Variants in BCOR observed in about 807,000 individuals in gnomAD.
The protein encoded by BCOR is BCL-6 corepressor.
BCOR carries 10 observed loss-of-function variants against 86.7 expected under a neutral mutation model. That is an observed-to-expected ratio of 0.12 (90% CI 0.07 to 0.20). The LOEUF is 0.20. Ranked by LOEUF, BCOR falls within the 10% of genes least tolerant of loss-of-function variation. The pLI is 1.00. For missense variants in BCOR, 1,259 were observed against 1,452.1 expected (o/e 0.87, Z 2.16); for synonymous variants, 611 against 609.0 (o/e 1.00, Z -0.05).
chrX:40,112,398 G>A (rs957898905), intron 1 of BCOR, among the ~76,000 whole-genome samples: 1 of 111,436 alleles, frequency 9.0e-6, no homozygotes, highest in African/African-American at 3.3e-5. Context: ...TTTACATCAC[G>A]CCTGTTAGGT....
In BCOR at chrX:40,054,295, C is replaced by G; in HGVS notation, c.4780G>C (p.Ala1594Pro). ...NDLQGRNDDD[A>P]SGTWDFYGSS... ...CCATAGAAGTCCCAAGTGCCACTGGCGTCATCATCATTGCGACCCTGGAGG... is the reference window on the plus strand; with the variant it reads ...CCATAGAAGTCCCAAGTGCCACTGGGGTCATCATCATTGCGACCCTGGAGG... The change falls in exon 13 of 15, where the codon GCC becomes CCC. Residue 1594 changes from alanine (A) to proline (P), a missense_variant. Around this residue, in one of 7 missense-constraint regions of BCOR, gnomAD observed 137 missense variants for 149.8 expected, o/e 0.91. Transcript: ENST00000378444. The G allele has an allele frequency of 8.3e-7, 1 of 1,208,703 alleles. No homozygotes were observed. Among genetic ancestry groups the G allele is most frequent in the Admixed American group, 2.2e-5 (1 of 45,849 alleles).
At chrX:40,089,110 G>T (rs144411404) in intron 1 of BCOR, among the ~76,000 whole-genome samples, 135 of 111,932 alleles carry the variant, frequency 1.2e-3, no homozygotes, top group African/African-American at 4.1e-3. Context: ...GCAAGTCTCA[G>T]GGGGTCTCAG....
intron 6 of BCOR, among the ~76,000 whole-genome samples, chrX:40,070,545 G>A (rs984848759): frequency 4.5e-5 from 5 of 111,652 alleles, no homozygotes; most frequent in East Asian, 2.8e-4. Context: ...ACGGTAAATC[G>A]TAACGCTCAT....
At chrX:40,110,240 G>T (rs935652784) in intron 1 of BCOR, among the ~76,000 whole-genome samples, 1 of 111,101 alleles carries the variant, frequency 9.0e-6, no homozygotes, top group Admixed American at 9.5e-5. Flanking sequence ...AATCATTATG[G>T]TCTATTAGGG....
intron 1 of BCOR, among the ~76,000 whole-genome samples, chrX:40,161,199 T>G (rs6610392): frequency 1.4e-3 from 128 of 90,664 alleles, no homozygotes; most frequent in Middle Eastern, 5.8e-3. Context: ...TTTTTTGGGG[T>G]TTTTTTTTGT....
upstream of BCOR, among the ~76,000 whole-genome samples, chrX:40,102,118 A>T (rs1461774340): frequency 2.7e-5 from 3 of 112,768 alleles, no homozygotes; most frequent in Non-Finnish European, 5.6e-5. Flanking sequence ...ATCTAAAGGT[A>T]GCTGCCTCCC....
chrX:40,146,117 G>A (rs1569195316), intron 1 of BCOR, among the ~76,000 whole-genome samples: 1 of 112,148 alleles, frequency 8.9e-6, no homozygotes, highest in Non-Finnish European at 1.9e-5. Flanking sequence ...CACACATTCC[G>A]ACTGCGAAAG....
intron 1 of BCOR, among the ~76,000 whole-genome samples, chrX:40,082,438 C>A (rs1000158741): frequency 1.8e-5 from 2 of 111,788 alleles, no homozygotes; most frequent in African/African-American, 6.5e-5. Context: ...TTCTTGGGAT[C>A]TCTCTCACTA....
At chrX:40,083,681 T>A (rs1936217492) in intron 1 of BCOR, among the ~76,000 whole-genome samples, 1 of 112,391 alleles carries the variant, frequency 8.9e-6, no homozygotes, top group South Asian at 3.7e-4. Flanking sequence ...ACACCCGTGC[T>A]GCTCGGGGCT....
At chrX:40,155,152 TC>T (rs1268678336) in intron 1 of BCOR, among the ~76,000 whole-genome samples, 1 of 112,032 alleles carries the variant, frequency 8.9e-6, no homozygotes, top group African/African-American at 3.3e-5. Context: ...TAAATGATTG[TC>T]CTCCGCTCCG....
chrX:40,060,607 A>G (rs1934820868), intron 10 of BCOR, among the ~76,000 whole-genome samples: 4 of 112,033 alleles, frequency 3.6e-5, no homozygotes, highest in Admixed American at 9.4e-5. Context: ...GTTTGCTGGA[A>G]GCACAAGTCC....
chrX:40,077,760 G>T, intron 2 of BCOR, 84 bp downstream of exon 2: 1 of 909,168 alleles, frequency 1.1e-6, no homozygotes, highest in Non-Finnish European at 1.6e-6. Context: ...CCCCTTTTGG[G>T]CCCACGGTGG....
chrX:40,139,495 ATATTTTT>A (rs1384659257), intron 1 of BCOR, among the ~76,000 whole-genome samples: 1 of 5,579 alleles, frequency 1.8e-4, no homozygotes, highest in Non-Finnish European at 3.2e-4. Flanking sequence ...ATATATATAT[ATATTTTT>A]TTTTTTTTTT....
chrX:40,176,878 T>A (rs994204084), intron 1 of BCOR: 1 of 111,219 alleles, frequency 9.0e-6, no homozygotes, highest in Non-Finnish European at 1.9e-5. Context: ...GAGCTGCCTG[T>A]TCCGGGGCAC....
rs1366096747 is a variant in BCOR, at chrX:40,074,719, C to A, written c.627G>T (p.Ser209=). ...ATPAIYPFLD[S]PNKYSLNMYK... ...ACATGTTCAGTGAATACTTATTTGG[C>A]GAGTCGAGGAAAGGGTAGATGGCTG... Residue 209 remains serine, a synonymous_variant, in exon 4 of 15, where the codon TCG becomes TCT. Transcript: ENST00000378444. 2.5e-6 allele frequency: 3 copies of A among 1,211,169 alleles called. No homozygotes were observed. The highest frequency in any genetic ancestry group is 2.2e-6 in the Non-Finnish European group (2 of 895,334).
chrX:40,136,990 A>C (rs1393048421), intron 1 of BCOR, among the ~76,000 whole-genome samples: 1 of 111,628 alleles, frequency 9.0e-6, no homozygotes, highest in South Asian at 3.8e-4. Flanking sequence ...AATATAACCA[A>C]GACGCAGCTA....
chrX:40,096,363 C>G (rs1299467550), intron 1 of BCOR, among the ~76,000 whole-genome samples: 1 of 110,268 alleles, frequency 9.1e-6, no homozygotes, highest in Non-Finnish European at 1.9e-5. Context: ...TAACTTAAAA[C>G]CTACGCTGAA....
chrX:40,149,342 C>T (rs1938124770), intron 1 of BCOR, among the ~76,000 whole-genome samples: 2 of 111,194 alleles, frequency 1.8e-5, no homozygotes, highest in Admixed American at 9.6e-5. Context: ...ATATTGAATA[C>T]GGATATTAAA....
chrX:40,063,285 C>G (rs961491868), intron 8 of BCOR, among the ~76,000 whole-genome samples: 2 of 112,547 alleles, frequency 1.8e-5, no homozygotes, highest in Non-Finnish European at 3.8e-5. Context: ...ACCCACAAAA[C>G]GCCAAGTGGC....
Sources: allele counts gnomAD v4.1 joint callset (sites outside exome capture counted in the v4.1 genomes callset), GRCh38; gene constraint gnomAD v4.1.1; regional missense constraint gnomAD v4.1.1; transcripts MANE v1.5; gene names NCBI Gene and HGNC (gene_info 2026-07-23, HGNC 2026-07-21).